The following BCAS3 variants were observed in gnomAD, a reference collection of about 807,000 sequenced individuals.
BCAS3 encodes BCAS4/BCAS3 fusion.
Under a neutral mutation model 116.1 loss-of-function variants are expected in BCAS3, and 53 were observed. The observed-to-expected ratio is 0.46, with a 90% CI of 0.37 to 0.57. BCAS3 has a LOEUF of 0.57. Ranked by LOEUF, BCAS3 falls within the 20% of genes least tolerant of loss-of-function variation. The pLI, the probability that BCAS3 is intolerant of heterozygous loss-of-function variation, is 0.00. For missense variants in BCAS3, 917 were observed against 1,165.4 expected (o/e 0.79, Z 3.10); for synonymous variants, 391 against 408.2 (o/e 0.96, Z 0.51).
chr17:61,270,112 ATTTT>A (rs1202865412), intron 22 of BCAS3, among the ~76,000 whole-genome samples: 36 of 68,830 alleles, frequency 5.2e-4, no homozygotes, highest in Non-Finnish European at 6.6e-4. Flanking sequence ...GCCTTCTGCC[ATTTT>A]TTTTTTTTTT....
chr17:60,803,870 C>T (rs1474490561), intron 6 of BCAS3, among the ~76,000 whole-genome samples: 3 of 132,358 alleles, frequency 2.3e-5, no homozygotes, highest in South Asian at 2.5e-4. Context: ...GGCATGATCT[C>T]GGCTCACCAC....
chr17:60,893,754 A>G (rs1390475889), intron 10 of BCAS3, among the ~76,000 whole-genome samples: 1 of 151,858 alleles, frequency 6.6e-6, no homozygotes, highest in East Asian at 1.9e-4. Context: ...GACTATAGGC[A>G]CATGCTACCA....
At chr17:60,833,199 A>C (rs551101916) in intron 7 of BCAS3, among the ~76,000 whole-genome samples, 63 of 152,116 alleles carry the variant, frequency 4.1e-4, no homozygotes, top group Non-Finnish European at 7.5e-4. Flanking sequence ...TCCAATTTTC[A>C]AATAGTCTGC....
intron 22 of BCAS3, among the ~76,000 whole-genome samples, chr17:61,119,813 G>GTAA (rs2075690656): frequency 6.6e-6 from 1 of 152,004 alleles, no homozygotes; most frequent in Non-Finnish European, 1.5e-5. Context: ...TGGTAAATAT[G>GTAA]TAAAACATTC....
intron 9 of BCAS3, among the ~76,000 whole-genome samples, chr17:60,881,475 A>G (rs1273386033): frequency 6.6e-6 from 1 of 151,702 alleles, no homozygotes; most frequent in Non-Finnish European, 1.5e-5. Context: ...GTTTTAGGGT[A>G]CATGTGCACA....
At position 61,348,754 on chromosome 17, in the gene BCAS3, CTTT is replaced by C. The variant is rs34911740; in HGVS notation, c.2426-19559_2426-19557del. ...TCTTGCAACCTCTTGGGCAGAGATT[CTTT>C]TTTTTTTTTTTTTGAAACAGAGTCT... On this transcript the variant is annotated intron_variant, in intron 22 of 23. Transcript: ENST00000407086. This position sits in a 1 kb window ranked among gnomAD's most constrained non-coding sequence, Gnocchi z 4.5. 2.2e-5 allele frequency among the ~76,000 whole-genome samples: 3 copies of C among 134,960 alleles called. No individual in the cohort carries two copies. The highest frequency in any genetic ancestry group is 4.7e-5 in the Non-Finnish European group (3 of 64,230). The allele number at this position is 134,960 out of a possible 152,430, so 88.5% of individuals were successfully genotyped here. A position where few individuals can be genotyped will look rare whatever the true frequency, so the allele number is the denominator to read the frequency against.
intron 16 of BCAS3, among the ~76,000 whole-genome samples, chr17:61,030,997 T>G (rs1212250032): frequency 6.6e-6 from 1 of 151,980 alleles, no homozygotes; most frequent in Non-Finnish European, 1.5e-5. Context: ...ACAGTTAAAC[T>G]TTTGGGCATC....
Position 61,088,325 on chromosome 17 carries a change from G to C in BCAS3, c.2425+3761G>C, listed in dbSNP as rs144085780. On this transcript the variant is annotated intron_variant, in intron 22 of 23. Transcript: ENST00000407086. The surrounding 1 kb of genome is among the most constrained non-coding windows in gnomAD (Gnocchi z 4.2). ...TATAGGATTTTAACCTAAGACACAG[G>C]CTACCCAGAACAAATGGGATTTGGG... Among the ~76,000 whole-genome samples the C allele has an allele frequency of 9.5e-4, 144 of 152,294 alleles. No individual in the cohort carries two copies. In the East Asian group the frequency reaches 0.026, roughly 27 times the overall value.
At chr17:61,193,486 G>A (rs1003467406) in intron 22 of BCAS3, among the ~76,000 whole-genome samples, 2 of 151,560 alleles carry the variant, frequency 1.3e-5, no homozygotes, top group African/African-American at 4.9e-5. Context: ...GGCCAGGTGC[G>A]GTGGCTCACG....
intron 22 of BCAS3, among the ~76,000 whole-genome samples, chr17:61,318,956 CTTGGGGTTTGA>C (rs1218522448): frequency 2.6e-5 from 4 of 152,196 alleles, no homozygotes; most frequent in African/African-American, 9.6e-5. Flanking sequence ...CATCGTGAAA[CTTGGGGTTTGA>C]CCTGGTTCTG....
At chr17:60,837,990 T>G (rs993819652) in intron 7 of BCAS3, among the ~76,000 whole-genome samples, 1 of 152,176 alleles carries the variant, frequency 6.6e-6, no homozygotes, top group African/African-American at 2.4e-5. Context: ...AATTAAAATT[T>G]AACATTTAAA....
chr17:60,916,248 A>G (rs2058773361), intron 12 of BCAS3, among the ~76,000 whole-genome samples: 1 of 152,206 alleles, frequency 6.6e-6, no homozygotes, highest in Admixed American at 6.5e-5. Context: ...GCTATTTTAT[A>G]TTCCCACCAG....
intron 15 of BCAS3, among the ~76,000 whole-genome samples, chr17:61,001,573 A>T (rs1407803740): frequency 6.6e-6 from 1 of 152,192 alleles, no homozygotes; most frequent in Non-Finnish European, 1.5e-5. Context: ...AGAAAAATCA[A>T]TCAAGTGCAC....
At position 61,281,731 on chromosome 17, in the gene BCAS3, A is replaced by G. The variant is rs892474294; in HGVS notation, c.2426-86596A>G. On this transcript the variant is annotated intron_variant, in intron 22 of 23. Transcript: ENST00000407086. This position sits in a 1 kb window ranked among gnomAD's most constrained non-coding sequence, Gnocchi z 4.2. ...TAAGCAAATTAGCACTCTATCATAT[A>G]TATTATAAATATTTTTCCAAGTTTG... is the stretch of plus-strand genomic sequence containing the variant. Among the ~76,000 whole-genome samples, 1 of 152,090 alleles carries G rather than the reference A, an allele frequency of 6.6e-6. No individual in the cohort carries two copies. Among genetic ancestry groups the G allele is most frequent in the African/African-American group, 2.4e-5 (1 of 41,446 alleles).
At chr17:61,257,813 T>C (rs1287548699) in intron 22 of BCAS3, among the ~76,000 whole-genome samples, 1 of 152,106 alleles carries the variant, frequency 6.6e-6, no homozygotes, top group Non-Finnish European at 1.5e-5. Context: ...CTCAAAGGGG[T>C]CTTGCAAGTA....
Position 61,077,342 on chromosome 17 carries a change from C to A in BCAS3, c.2131-991C>A, listed in dbSNP as rs1239075300. 6.6e-6 allele frequency among the ~76,000 whole-genome samples: 1 copy of A among 151,924 alleles called. No homozygotes were observed. The highest frequency in any genetic ancestry group is 6.6e-5 in the Admixed American group (1 of 15,246). On this transcript the variant is annotated intron_variant, in intron 20 of 23. Coordinates refer to ENST00000407086, the MANE Select transcript of BCAS3 (RefSeq NM_017679.5). This position sits in a 1 kb window ranked among gnomAD's most constrained non-coding sequence, Gnocchi z 4.3. ...ACCATCCTGGCTAACACGGTGAAAC[C>A]CCGTCTCTACTAAAAATACAAAAAA...
chr17:61,324,136 G>T lies in BCAS3; in HGVS notation c.2426-44191G>T, dbSNP rs1298957799. ...ATACTGGGACTCTTCCCATCAGGCT[G>T]CAAACTCCTCCAGAGGCAGGGACCC... On this transcript the variant is annotated intron_variant, in intron 22 of 23. Coordinates refer to ENST00000407086, the MANE Select transcript of BCAS3 (RefSeq NM_017679.5). This position sits in a 1 kb window ranked among gnomAD's most constrained non-coding sequence, Gnocchi z 4.6. 6.6e-6 allele frequency among the ~76,000 whole-genome samples: 1 copy of T among 152,170 alleles called. No homozygotes were observed. The highest frequency in any genetic ancestry group is 1.5e-5 in the Non-Finnish European group (1 of 68,044).
chr17:61,200,456 T>C lies in BCAS3; in HGVS notation c.2425+115892T>C, dbSNP rs528514377. ...AGAGATTATTATTCTTATTTCATAA[T>C]AAAGGAACCTGAGCTTCAGAAAGGG... On this transcript the variant is annotated intron_variant, in intron 22 of 23. Coordinates refer to ENST00000407086, the MANE Select transcript of BCAS3 (RefSeq NM_017679.5). The surrounding 1 kb of genome is among the most constrained non-coding windows in gnomAD (Gnocchi z 5.1). Among the ~76,000 whole-genome samples the C allele has an allele frequency of 1.2e-4, 19 of 152,342 alleles. No homozygotes were observed. Among genetic ancestry groups the C allele is most frequent in the African/African-American group, 4.3e-4 (18 of 41,584 alleles).
chr17:61,361,006 G>A lies in BCAS3; in HGVS notation c.2426-7321G>A, dbSNP rs2058427342. The stretch of plus-strand genomic sequence containing the variant: ...TATCTGGTTTGTAGAAAATGAAATT[G>A]GTAGCTTTTACCCTAGGATACCTCA... On this transcript the variant is annotated intron_variant, in intron 22 of 23. Coordinates refer to ENST00000407086, the MANE Select transcript of BCAS3 (RefSeq NM_017679.5). The surrounding 1 kb of genome is among the most constrained non-coding windows in gnomAD (Gnocchi z 6.5). 6.6e-6 allele frequency among the ~76,000 whole-genome samples: 1 copy of A among 152,118 alleles called. No homozygotes were observed. The highest frequency in any genetic ancestry group is 1.5e-5 in the Non-Finnish European group (1 of 68,006).
Sources: gnomAD v4.1 joint callset for allele counts (sites outside exome capture counted in the v4.1 genomes callset) on GRCh38, gnomAD v4.1.1 for gene constraint, Gnocchi (gnomAD v3.1) non-coding constraint, MANE v1.5 for transcripts, NCBI Gene and HGNC (gene_info 2026-07-23, HGNC 2026-07-21) for gene names.